The following MANBA variants were observed in gnomAD, a reference collection of about 807,000 sequenced individuals.
MANBA encodes the protein beta-mannosidase.
A neutral mutation model predicts 111.1 loss-of-function variants in MANBA; 83 were observed. That is an observed-to-expected ratio of 0.75 (90% CI 0.63 to 0.90). The LOEUF (loss-of-function observed/expected upper bound fraction) is 0.90, where lower values mean the gene tolerates loss of function less well. Among genes scored for constraint, MANBA ranks in the 40% least tolerant of loss-of-function variants. The pLI is 0.00. For synonymous variants in MANBA, 370 were observed against 378.7 expected, an observed-to-expected ratio of 0.98 and a Z score of 0.27; for missense variants, 1,036 against 1,069.0, an observed-to-expected ratio of 0.97 and a Z score of 0.43.
intron 7 of MANBA, among the ~76,000 whole-genome samples, chr4:102,675,804 C>T (rs990434928): frequency 6.6e-6 from 1 of 152,010 alleles, no homozygotes; most frequent in African/African-American, 2.4e-5. Flanking sequence ...GAAATCCTAT[C>T]TCTACTAAAT....
chr4:102,682,363 G>A (rs1232162883), intron 7 of MANBA, among the ~76,000 whole-genome samples: 1 of 152,012 alleles, frequency 6.6e-6, no homozygotes, highest in Non-Finnish European at 1.5e-5. Flanking sequence ...TTATTAATAG[G>A]ATTGCCAGTA....
chr4:102,690,784 A>T lies in MANBA; in HGVS notation c.674-13T>A, dbSNP rs1444284165. 1.8e-6 allele frequency: 2 copies of T among 1,127,744 alleles called. No individual in the cohort carries two copies. The highest frequency in any genetic ancestry group is 3.2e-5 in the African/African-American group (2 of 62,352). The allele number at this position is 1,127,744 out of a possible 1,614,324, so 69.9% of individuals were successfully genotyped here. A position where few individuals can be genotyped will look rare whatever the true frequency, so the allele number is the denominator to read the frequency against. On this transcript the variant is annotated splice_polypyrimidine_tract_variant and intron_variant, in intron 5 of 16. Transcript: ENST00000647097. Reference sequence around the variant, plus strand: ...TGGGCACTCTTATCTAAAATATAAAAAGAAAAAGAAATATATATATATATA... The same window carrying T: ...TGGGCACTCTTATCTAAAATATAAATAGAAAAAGAAATATATATATATATA...
chr4:102,724,083 TA>T (rs1379578305), intron 2 of MANBA, 116 bp from the exon 3 acceptor site: 16 of 674,484 alleles, frequency 2.4e-5, no homozygotes, highest in Non-Finnish European at 4.2e-5. Flanking sequence ...TATATGTTCT[TA>T]AAAGGCAGTT....
At chr4:102,731,123 T>C (rs1248359512) in intron 1 of MANBA, among the ~76,000 whole-genome samples, 3 of 152,074 alleles carry the variant, frequency 2.0e-5, no homozygotes, top group African/African-American at 7.2e-5. Context: ...TCTGTGCTCT[T>C]GCGATCTTGA....
rs1411878818 is a variant in MANBA, at chr4:102,727,650, G to T, written c.178-967C>A. 7.4e-6 allele frequency: 11 copies of T among 1,488,326 alleles called. No homozygotes were observed. The African/African-American group carries it at 1.1e-4, about 14-fold the overall frequency. 92.2% of individuals were successfully genotyped at this position (1,488,326 alleles called of 1,614,324 possible). A position where few individuals can be genotyped will look rare whatever the true frequency, so the allele number is the denominator to read the frequency against. ...TGTTGTATTCCCATTGTGTTTCACA[G>T]TCTTCTCTAAGTTGAACGCAGTCTC... On this transcript the variant is annotated intron_variant, in intron 1 of 16. Transcript: ENST00000647097.
intron 1 of MANBA, chr4:102,753,803 C>T (rs913234902): frequency 1.9e-5 from 4 of 209,642 alleles, no homozygotes; most frequent in Admixed American, 5.8e-5. Context: ...ATTAAAGAGG[C>T]CACCCATGGT....
intron 2 of MANBA, among the ~76,000 whole-genome samples, chr4:102,725,398 A>G (rs2110195341): frequency 6.6e-6 from 1 of 152,214 alleles, no homozygotes; most frequent in African/African-American, 2.4e-5. Context: ...GACAGCATGA[A>G]TTACTTTTAG....
chr4:102,742,104 A>C (rs1351721618), intron 1 of MANBA, among the ~76,000 whole-genome samples: 2 of 152,096 alleles, frequency 1.3e-5, no homozygotes, highest in Non-Finnish European at 2.9e-5. Context: ...CAGTAGACTG[A>C]TTTTGTCTTG....
chr4:102,710,080 C>G (rs1228068740), intron 5 of MANBA, among the ~76,000 whole-genome samples: 2 of 152,150 alleles, frequency 1.3e-5, no homozygotes, highest in Non-Finnish European at 2.9e-5. Flanking sequence ...AGCTGAAAGT[C>G]TTTCCTCTAA....
intron 1 of MANBA, chr4:102,729,725 C>G: frequency 6.7e-7 from 1 of 1,490,652 alleles, no homozygotes; most frequent in Admixed American, 1.7e-5. Context: ...TCTTCAGCTG[C>G]TGCCTAAGGT....
chr4:102,744,067 T>C (rs565417461), intron 1 of MANBA, among the ~76,000 whole-genome samples: 1 of 152,318 alleles, frequency 6.6e-6, no homozygotes, highest in East Asian at 1.9e-4. Context: ...TGGATCCCAC[T>C]CAAAACTGGC....
rs1356515130 is a variant in MANBA at position 102,638,930 on chromosome 4, A to G, written c.2014+783T>C. Among the ~76,000 whole-genome samples, 3 of 152,228 alleles carry G rather than the reference A, an allele frequency of 2.0e-5. No homozygotes were observed. The East Asian group carries it at 5.8e-4, about 29-fold the overall frequency. On this transcript the variant is annotated intron_variant, in intron 14 of 16. Coordinates refer to ENST00000647097, the MANE Select transcript of MANBA (RefSeq NM_005908.4). ...AGACTCTGTCTCAAAAAAAACAAAA[A>G]GAACCTCACCCAACCTTTCTACTTT...
At chr4:102,701,659 C>A (rs1489237185) in intron 5 of MANBA, among the ~76,000 whole-genome samples, 1 of 151,614 alleles carries the variant, frequency 6.6e-6, no homozygotes. Context: ...GTTGAAAATT[C>A]TTTTCTTTAA....
At chr4:102,645,062 CT>C (rs989927624) in intron 13 of MANBA, among the ~76,000 whole-genome samples, 2 of 151,822 alleles carry the variant, frequency 1.3e-5, no homozygotes, top group African/African-American at 2.4e-5. Context: ...GTTTTAAAAT[CT>C]TTTTTTCAAC....
intron 1 of MANBA, among the ~76,000 whole-genome samples, chr4:102,747,604 T>C (rs1723636398): frequency 6.6e-6 from 1 of 152,230 alleles, no homozygotes; most frequent in Non-Finnish European, 1.5e-5. Flanking sequence ...AAACTTCAGT[T>C]TCTCCTCTGT....
intron 1 of MANBA, chr4:102,727,430 A>G (rs1722852405): frequency 8.3e-7 from 1 of 1,204,588 alleles, no homozygotes; most frequent in Admixed American, 1.7e-5. Context: ...AGCTTGGTAT[A>G]GGCCAATTGC....
At chr4:102,749,454 T>C (rs1478553099) in intron 1 of MANBA, among the ~76,000 whole-genome samples, 1 of 152,256 alleles carries the variant, frequency 6.6e-6, no homozygotes, top group Non-Finnish European at 1.5e-5. Flanking sequence ...TGAGAGCTTT[T>C]AGCAAATGGG....
chr4:102,760,724 C>A lies in MANBA; in HGVS notation c.171G>T (p.Leu57=). The change falls in exon 1 of 17, where the codon CTG becomes CTT. Residue 57 remains leucine (L), a synonymous_variant. Transcript: ENST00000647097. The part of the protein sequence containing the change: ...CVHSALFQQG[L]IQDSYYRFND... ...GGTCGGCCGCACGCCATACCTGGAT[C>A]AGGCCCTGCTGGAACAAGGCGCTGT... The A allele has an allele frequency of 1.3e-6, 2 of 1,537,916 alleles. No homozygotes were observed. Among genetic ancestry groups the A allele is most frequent in the South Asian group, 2.4e-5 (2 of 83,696 alleles).
chr4:102,641,882 GCA>G (rs1195587893), intron 13 of MANBA, among the ~76,000 whole-genome samples: 1 of 151,204 alleles, frequency 6.6e-6, no homozygotes, highest in African/African-American at 2.4e-5. Flanking sequence ...AAAGAAAAGA[GCA>G]CAAAGTGGCT....
Sources: gnomAD v4.1 joint callset for allele counts (sites outside exome capture counted in the v4.1 genomes callset) on GRCh38, gnomAD v4.1.1 for gene constraint, MANE v1.5 for transcripts, NCBI Gene and HGNC (gene_info 2026-07-23, HGNC 2026-07-21) for gene names.